The following NBAS variants were observed in gnomAD, a reference collection of about 807,000 sequenced individuals.
NBAS encodes NAG/BC035112 fusion.
In NBAS, 219 loss-of-function variants were observed where a neutral mutation model predicts 302.5. The ratio of observed to expected loss-of-function variants is 0.72; its 90% CI spans 0.65 to 0.81. The LOEUF (loss-of-function observed/expected upper bound fraction) is 0.81. Among genes scored for constraint, NBAS ranks in the 30% least tolerant of loss-of-function variants. The pLI, the probability that NBAS is intolerant of heterozygous loss-of-function variation, is 0.00. For missense variants in NBAS, 2,932 were observed against 2,841.6 expected, an observed-to-expected ratio of 1.03 and a Z score of -0.72; for synonymous variants, 1,118 against 1,021.6, an observed-to-expected ratio of 1.09 and a Z score of -1.80.
the NBAS span, among the ~76,000 whole-genome samples, chr2:14,820,098 C>T: frequency 6.6e-6 from 1 of 152,140 alleles, no homozygotes; most frequent in African/African-American, 2.4e-5. Flanking sequence ...ATGGAGGACA[C>T]TTTGGAGGTT....
rs376641409 is a variant in NBAS, at chr2:15,498,561, G to A, written c.954+5584C>T. Among the ~76,000 whole-genome samples, 93 of 152,226 alleles carry A rather than the reference G, an allele frequency of 6.1e-4. 1 individual carries two copies. The East Asian group carries it at 0.01, about 16-fold the overall frequency. On this transcript the variant is annotated intron_variant, in intron 11 of 51. Coordinates refer to ENST00000281513, the MANE Select transcript of NBAS (RefSeq NM_015909.4). Reference sequence around the variant, plus strand: ...AGACCTAAAAACAGAAATACCATTCGAACCAGTAATCCCATTACTGGGTGA... The same window carrying A: ...AGACCTAAAAACAGAAATACCATTCAAACCAGTAATCCCATTACTGGGTGA...
At chr2:15,439,535 G>C (rs75784848) in intron 21 of NBAS, among the ~76,000 whole-genome samples, 1,928 of 151,982 alleles carry the variant, frequency 0.013, 32 homozygotes, top group East Asian at 0.06. Context: ...AGCTCTGGTT[G>C]CAAACAGCAA....
intron 42 of NBAS, among the ~76,000 whole-genome samples, chr2:15,283,041 G>A (rs999052133): frequency 1.3e-5 from 2 of 152,078 alleles, no homozygotes; most frequent in Non-Finnish European, 2.9e-5. Context: ...TTTTGTGGGC[G>A]TCAGGGTGAC....
In NBAS at chr2:15,331,173, C is replaced by T. The variant is rs73197057; in HGVS notation, c.4180-408G>A. Among the ~76,000 whole-genome samples, 1,315 of 152,016 alleles carry T rather than the reference C, an allele frequency of 8.7e-3. 17 individuals carry two copies. The highest frequency in any genetic ancestry group is 0.03 in the African/African-American group (1,240 of 41,472). ...AATAAATTATTCATCTGAATAATGC[C>T]ACTGTGACCCAGAAAGAAGTAGAAC... On this transcript the variant is annotated intron_variant, in intron 35 of 51. Coordinates refer to ENST00000281513, the MANE Select transcript of NBAS (RefSeq NM_015909.4).
At chr2:14,784,424 T>A in the NBAS span, among the ~76,000 whole-genome samples, 2 of 152,184 alleles carry the variant, frequency 1.3e-5, no homozygotes, top group Non-Finnish European at 2.9e-5. Flanking sequence ...ATGCCTAGGT[T>A]TTCTTCTAGG....
chr2:15,093,728 AT>A, the NBAS span, among the ~76,000 whole-genome samples: 16,868 of 152,242 alleles, frequency 0.11, 1,213 homozygotes, highest in African/African-American at 0.2. Flanking sequence ...AGGTAAAATA[AT>A]ATGAAGTCAT....
At chr2:15,556,392 T>A (rs1664647534) in intron 3 of NBAS, among the ~76,000 whole-genome samples, 1 of 152,162 alleles carries the variant, frequency 6.6e-6, no homozygotes, top group Non-Finnish European at 1.5e-5. Flanking sequence ...ATACAAGAAC[T>A]GAAACCTAAA....
chr2:14,922,379 C>T, the NBAS span, among the ~76,000 whole-genome samples: 2 of 152,128 alleles, frequency 1.3e-5, no homozygotes, highest in African/African-American at 4.8e-5. Context: ...GTTCAGGCTG[C>T]CAGAACAAAA....
the NBAS span, among the ~76,000 whole-genome samples, chr2:15,104,059 A>T: frequency 6.6e-6 from 1 of 152,166 alleles, no homozygotes; most frequent in Non-Finnish European, 1.5e-5. Flanking sequence ...CCATGTGTCA[A>T]GGGTGGGACC....
At chr2:15,161,513 A>G in the NBAS span, among the ~76,000 whole-genome samples, 1 of 152,220 alleles carries the variant, frequency 6.6e-6, no homozygotes, top group South Asian at 2.1e-4. Flanking sequence ...CTAAGTAACC[A>G]GTACTGCTGA....
the NBAS span, among the ~76,000 whole-genome samples, chr2:15,135,097 T>C: frequency 6.6e-6 from 1 of 152,212 alleles, no homozygotes; most frequent in African/African-American, 2.4e-5. Flanking sequence ...CCCTCTAATT[T>C]AGAGCTGTTG....
intron 48 of NBAS, among the ~76,000 whole-genome samples, chr2:15,204,587 T>C (rs183705503): frequency 2.8e-4 from 43 of 152,218 alleles, no homozygotes; most frequent in African/African-American, 8.9e-4. Flanking sequence ...CTATTCACAA[T>C]AGCAAAGACT....
At chr2:15,202,757 C>CA (rs1483519612) in intron 48 of NBAS, among the ~76,000 whole-genome samples, 1 of 152,102 alleles carries the variant, frequency 6.6e-6, no homozygotes, top group East Asian at 1.9e-4. Context: ...AGGCTGCTCT[C>CA]AAACTCCCGA....
the NBAS span, among the ~76,000 whole-genome samples, chr2:14,879,050 T>C: frequency 6.6e-6 from 1 of 152,248 alleles, no homozygotes; most frequent in Non-Finnish European, 1.5e-5. Context: ...TTTAAAATTA[T>C]ATATACTATG....
chr2:15,203,990 G>C (rs921859627), intron 48 of NBAS, among the ~76,000 whole-genome samples: 8 of 151,750 alleles, frequency 5.3e-5, no homozygotes, highest in Non-Finnish European at 1.2e-4. Context: ...CAGGTGCAGT[G>C]GCTCATGTCT....
intron 10 of NBAS, among the ~76,000 whole-genome samples, chr2:15,507,008 CTT>C (rs1661887927): frequency 6.6e-6 from 1 of 152,134 alleles, no homozygotes; most frequent in African/African-American, 2.4e-5. Context: ...ACAGACAACT[CTT>C]GAGCATTGTA....
intron 14 of NBAS, among the ~76,000 whole-genome samples, chr2:15,475,122 T>C (rs561753925): frequency 8.5e-5 from 13 of 152,354 alleles, no homozygotes; most frequent in Non-Finnish European, 1.5e-5. Context: ...TTTTAAGCCA[T>C]AGTTTTCTTT....
the NBAS span, among the ~76,000 whole-genome samples, chr2:15,161,408 T>C: frequency 1.1e-4 from 16 of 152,178 alleles, no homozygotes; most frequent in African/African-American, 3.9e-4. Context: ...GTCAGGAGGA[T>C]GTCTTTTCCT....
the NBAS span, among the ~76,000 whole-genome samples, chr2:15,097,356 A>AG: frequency 1.3e-5 from 2 of 152,122 alleles, no homozygotes; most frequent in African/African-American, 4.8e-5. Flanking sequence ...GGAGGCTGAG[A>AG]GGGGGCTCTG....
Sources: gnomAD v4.1 joint callset for allele counts (sites outside exome capture counted in the v4.1 genomes callset) on GRCh38, gnomAD v4.1.1 for gene constraint, MANE v1.5 for transcripts, NCBI Gene and HGNC (gene_info 2026-07-23, HGNC 2026-07-21) for gene names.